The following ATRNL1 variants were observed in gnomAD, a reference collection of about 807,000 sequenced individuals.
ATRNL1 encodes the protein attractin like 1.
In ATRNL1, 95 loss-of-function variants were observed where a neutral mutation model predicts 182.7. That is an observed-to-expected ratio of 0.52 (90% CI 0.44 to 0.62). The LOEUF (loss-of-function observed/expected upper bound fraction) is 0.62, where lower values mean the gene tolerates loss of function less well. Ranked by LOEUF, ATRNL1 falls within the 20% of genes least tolerant of loss-of-function variation. The pLI, the probability that ATRNL1 is intolerant of heterozygous loss-of-function variation, is 0.00. For synonymous variants in ATRNL1, 576 were observed against 568.3 expected (o/e 1.01, Z -0.19); for missense variants, 1,471 against 1,679.5 (o/e 0.88, Z 2.17).
intron 8 of ATRNL1, among the ~76,000 whole-genome samples, chr10:115,184,753 A>G (rs1847877676): frequency 6.6e-6 from 1 of 151,988 alleles, no homozygotes; most frequent in African/African-American, 2.4e-5. Flanking sequence ...AAAAAATCAT[A>G]AAACAATGTA....
chr10:115,484,183 A>G (rs767098952), intron 24 of ATRNL1, among the ~76,000 whole-genome samples: 50 of 151,406 alleles, frequency 3.3e-4, no homozygotes, highest in Non-Finnish European at 6.1e-4. Flanking sequence ...TTCTAAATCT[A>G]TATCTCATTG....
At chr10:115,855,609 G>C (rs1307581101) in intron 28 of ATRNL1, among the ~76,000 whole-genome samples, 1 of 152,128 alleles carries the variant, frequency 6.6e-6, no homozygotes, top group African/African-American at 2.4e-5. Context: ...CAAAAAAGAT[G>C]TGCAAAAGAT....
At chr10:115,692,387 A>G (rs1375589618) in intron 26 of ATRNL1, among the ~76,000 whole-genome samples, 1 of 152,134 alleles carries the variant, frequency 6.6e-6, no homozygotes, top group Non-Finnish European at 1.5e-5. Flanking sequence ...GAATAAATTG[A>G]CATATATCAC....
At chr10:115,630,186 T>G (rs1858390255) in intron 26 of ATRNL1, among the ~76,000 whole-genome samples, 1 of 151,954 alleles carries the variant, frequency 6.6e-6, no homozygotes, top group South Asian at 2.1e-4. Flanking sequence ...GAAAAAAAAT[T>G]TAAAAATGGA....
At chr10:115,678,625 C>T (rs115887680) in intron 26 of ATRNL1, among the ~76,000 whole-genome samples, 1,694 of 152,156 alleles carry the variant, frequency 0.011, 29 homozygotes, top group African/African-American at 0.039. Context: ...TAAGTATTAA[C>T]ATTAAAGACA....
intron 13 of ATRNL1, among the ~76,000 whole-genome samples, chr10:115,276,159 G>A (rs1554914793): frequency 6.6e-6 from 1 of 151,820 alleles, no homozygotes; most frequent in East Asian, 1.9e-4. Context: ...TCCTCCCCTG[G>A]TAGAAGGGGA....
chr10:115,369,091 C>T (rs1313477097), intron 19 of ATRNL1, among the ~76,000 whole-genome samples: 1 of 152,088 alleles, frequency 6.6e-6, no homozygotes, highest in Non-Finnish European at 1.5e-5. Flanking sequence ...CTTATTTTCA[C>T]ATAAAATAAT....
chr10:115,407,821 A>G (rs1231268668), intron 20 of ATRNL1, among the ~76,000 whole-genome samples: 2 of 151,970 alleles, frequency 1.3e-5, no homozygotes, highest in Non-Finnish European at 2.9e-5. Context: ...TGTTTTCCAT[A>G]CTGGCTGTAC....
chr10:115,103,739 A>G (rs1843884095), intron 1 of ATRNL1, among the ~76,000 whole-genome samples: 1 of 152,150 alleles, frequency 6.6e-6, no homozygotes, highest in African/African-American at 2.4e-5. Context: ...CTCTGTCTCC[A>G]TGAATTCAAC....
chr10:115,411,390 A>C lies in ATRNL1; in HGVS notation c.3270-14860A>C, dbSNP rs370547508. Among the ~76,000 whole-genome samples, 118 of 151,990 alleles carry C rather than the reference A, an allele frequency of 7.8e-4. 2 individuals are homozygous for C. The South Asian group carries it at 0.024, about 31-fold the overall frequency. On this transcript the variant is annotated intron_variant, in intron 20 of 28. Coordinates refer to ENST00000355044, the MANE Select transcript of ATRNL1 (RefSeq NM_207303.4). ...AATGTGTATAACAATGTTAGCGTTT[A>C]CATAAATGATAATCATTATTTAGGT...
At chr10:115,903,107 G>T (rs993100828) in intron 28 of ATRNL1, among the ~76,000 whole-genome samples, 2 of 152,280 alleles carry the variant, frequency 1.3e-5, no homozygotes, top group South Asian at 4.1e-4. Flanking sequence ...ACACACTGGG[G>T]AAGTTTCTCT....
intron 26 of ATRNL1, among the ~76,000 whole-genome samples, chr10:115,712,956 A>T (rs1412830366): frequency 6.6e-6 from 1 of 152,168 alleles, no homozygotes; most frequent in Admixed American, 6.5e-5. Context: ...CCTCCAAGAC[A>T]GTATTTTTAA....
chr10:115,792,291 C>A (rs556048991), intron 27 of ATRNL1, among the ~76,000 whole-genome samples: 1 of 152,014 alleles, frequency 6.6e-6, no homozygotes, highest in Non-Finnish European at 1.5e-5. Context: ...TTCTTTTGTA[C>A]GCTACAGAGT....
At chr10:115,475,176 G>A (rs1848476105) in intron 24 of ATRNL1, among the ~76,000 whole-genome samples, 1 of 151,452 alleles carries the variant, frequency 6.6e-6, no homozygotes, top group African/African-American at 2.4e-5. Flanking sequence ...CTTGCATCTA[G>A]ATTAGTAGAG....
intron 9 of ATRNL1, among the ~76,000 whole-genome samples, chr10:115,227,710 T>G (rs1437020391): frequency 6.6e-6 from 1 of 152,174 alleles, no homozygotes; most frequent in Non-Finnish European, 1.5e-5. Context: ...ATGTGGTACA[T>G]ACATACCACG....
chr10:115,322,608 A>G (rs1482007551), intron 18 of ATRNL1, among the ~76,000 whole-genome samples: 1 of 152,050 alleles, frequency 6.6e-6, no homozygotes, highest in African/African-American at 2.4e-5. Flanking sequence ...TTCTTTTTGC[A>G]TGGAGTTGAA....
At chr10:115,095,162 C>T (rs1195574081) in intron 1 of ATRNL1, among the ~76,000 whole-genome samples, 3 of 152,104 alleles carry the variant, frequency 2.0e-5, no homozygotes, top group Non-Finnish European at 4.4e-5. Context: ...AAGTCAGCTT[C>T]TTAGTCTTCT....
chr10:115,098,755 C>A (rs2085085855), intron 1 of ATRNL1, among the ~76,000 whole-genome samples: 1 of 152,050 alleles, frequency 6.6e-6, no homozygotes. Context: ...CTGCGCCTGG[C>A]CACTTAAATA....
At chr10:115,892,114 T>C (rs1278241894) in intron 28 of ATRNL1, among the ~76,000 whole-genome samples, 2 of 152,204 alleles carry the variant, frequency 1.3e-5, no homozygotes, top group African/African-American at 4.8e-5. Context: ...GTTATATTAC[T>C]CTGTTTACTC....
Sources: allele counts gnomAD v4.1 joint callset (sites outside exome capture counted in the v4.1 genomes callset), GRCh38; gene constraint gnomAD v4.1.1; transcripts MANE v1.5; gene names NCBI Gene and HGNC (gene_info 2026-07-23, HGNC 2026-07-21).